The following RBFOX1 variants were observed in gnomAD, a reference collection of about 807,000 sequenced individuals.
RBFOX1 encodes the protein RNA binding fox-1 homolog 1, also known as RNA binding protein fox-1 homolog 1.
A neutral mutation model predicts 57.7 loss-of-function variants in RBFOX1; 8 were observed. The ratio of observed to expected loss-of-function variants is 0.14; its 90% CI spans 0.08 to 0.25. RBFOX1 has a LOEUF of 0.25. Among genes scored for constraint, RBFOX1 ranks in the 10% least tolerant of loss-of-function variants. RBFOX1 has a pLI of 1.00. For synonymous variants in RBFOX1, 326 were observed against 222.4 expected, an observed-to-expected ratio of 1.47 and a Z score of -4.15; for missense variants, 611 against 548.5, an observed-to-expected ratio of 1.11 and a Z score of -1.14.
chr16:5,717,807 A>G (rs541271005), intron 3 of RBFOX1, among the ~76,000 whole-genome samples: 2 of 152,300 alleles, frequency 1.3e-5, no homozygotes, highest in Non-Finnish European at 2.9e-5. Context: ...ATGATCAGCG[A>G]TTTATTCGAT....
chr16:5,454,430 G>T (rs959562833), intron 1 of RBFOX1, among the ~76,000 whole-genome samples: 4 of 152,200 alleles, frequency 2.6e-5, no homozygotes, highest in African/African-American at 9.7e-5. Flanking sequence ...GCCTAGATAT[G>T]TGGTTACATG....
rs1310133994 is a variant in RBFOX1, at chr16:5,273,255, A to G, written c.219+33150A>G. On this transcript the variant is annotated intron_variant, in intron 1 of 2. Transcript: ENST00000585867. ...TTTTTTTTTTGGTGGTCGGTTTTCCATCCTTTTGCTTGGCAGGTTTCTGCT... is the reference window on the plus strand; with the variant it reads ...TTTTTTTTTTGGTGGTCGGTTTTCCGTCCTTTTGCTTGGCAGGTTTCTGCT... Among the ~76,000 whole-genome samples the G allele has an allele frequency of 3.3e-5, 5 of 149,468 alleles. No homozygotes were observed. The East Asian group carries it at 5.9e-4, about 18-fold the overall frequency.
chr16:7,042,700 C>T (rs916562222), intron 3 of RBFOX1, among the ~76,000 whole-genome samples: 12 of 152,134 alleles, frequency 7.9e-5, no homozygotes, highest in South Asian at 4.1e-4. Flanking sequence ...CCCAGGCGGG[C>T]GGATCATTTG....
chr16:5,823,558 G>T (rs1373222896), intron 3 of RBFOX1, among the ~76,000 whole-genome samples: 1 of 152,158 alleles, frequency 6.6e-6, no homozygotes, highest in Non-Finnish European at 1.5e-5. Flanking sequence ...CACACAGAAG[G>T]AGGTGAGTTG....
chr16:7,242,895 C>T (rs1023180929), intron 4 of RBFOX1, among the ~76,000 whole-genome samples: 1 of 152,134 alleles, frequency 6.6e-6, no homozygotes, highest in African/African-American at 2.4e-5. Context: ...CAAGCAGTGC[C>T]TCTCGACATT....
intron 4 of RBFOX1, among the ~76,000 whole-genome samples, chr16:7,425,476 G>T (rs1362761206): frequency 6.6e-6 from 1 of 152,120 alleles, no homozygotes; most frequent in Non-Finnish European, 1.5e-5. Flanking sequence ...TTCTTTGAAG[G>T]ACTTAAAATT....
intron 3 of RBFOX1, among the ~76,000 whole-genome samples, chr16:6,914,616 C>G (rs7202388): frequency 0.84 from 128,108 of 152,076 alleles, 54,390 homozygotes; most frequent in African/African-American, 0.96. Flanking sequence ...GCTCACGCCT[C>G]TAATCGCAGC....
At position 7,373,509 on chromosome 16, in the gene RBFOX1, C is replaced by T. The variant is rs1318603696; in HGVS notation, c.28-144638C>T. Among the ~76,000 whole-genome samples, 7 of 152,192 alleles carry T rather than the reference C, an allele frequency of 4.6e-5. No homozygotes were observed. In the East Asian group the frequency reaches 1.4e-3, roughly 30 times the overall value. On this transcript the variant is annotated intron_variant, in intron 4 of 15. Coordinates refer to ENST00000550418, the MANE Select transcript of RBFOX1 (RefSeq NM_018723.4). ...AATAGATGGTGTTAATCTCCAGTCC[C>T]TTGTAATAAATGCTGGACTGTGAAC...
At chr16:5,437,798 A>C (rs1597065410) in intron 1 of RBFOX1, among the ~76,000 whole-genome samples, 1 of 152,204 alleles carries the variant, frequency 6.6e-6, no homozygotes, top group African/African-American at 2.4e-5. Context: ...TGTATTTTTC[A>C]CATCTTCTTT....
At chr16:7,296,968 C>T (rs969323614) in intron 4 of RBFOX1, among the ~76,000 whole-genome samples, 4 of 152,156 alleles carry the variant, frequency 2.6e-5, no homozygotes, top group South Asian at 2.1e-4. Flanking sequence ...AGACATCCTG[C>T]TTAGTGGCTT....
chr16:7,518,481 G>A (rs2076856017), intron 5 of RBFOX1, 92 bp downstream of exon 5: 2 of 1,492,802 alleles, frequency 1.3e-6, no homozygotes, highest in Non-Finnish European at 1.8e-6. Context: ...ATCTACCCAG[G>A]GACTCTGGGA....
At chr16:7,526,586 G>T (rs191505157) in intron 5 of RBFOX1, among the ~76,000 whole-genome samples, 144 of 152,220 alleles carry the variant, frequency 9.5e-4, no homozygotes, top group African/African-American at 3.3e-3. Flanking sequence ...GAGGGTTTAC[G>T]CCTCATGTAC....
Position 6,508,023 on chromosome 16 carries a change from C to G in RBFOX1, c.-63-146580C>G, listed in dbSNP as rs557784070. Reference sequence around the variant, plus strand: ...TGTGGTACATATACATGATGGAATACTATGCAGCCATAAAAAAGAAAAAGA... The same window carrying G: ...TGTGGTACATATACATGATGGAATAGTATGCAGCCATAAAAAAGAAAAAGA... On this transcript the variant is annotated intron_variant, in intron 2 of 15. Transcript: ENST00000550418. Among the ~76,000 whole-genome samples, 7 of 152,218 alleles carry G rather than the reference C, an allele frequency of 4.6e-5. No homozygotes were observed. The South Asian group carries it at 1.2e-3, about 27-fold the overall frequency.
intron 10 of RBFOX1, among the ~76,000 whole-genome samples, chr16:7,620,662 GC>G (rs1356407225): frequency 6.6e-6 from 1 of 152,180 alleles, no homozygotes. Context: ...CTTAGATGTG[GC>G]TTTGTTGTAA....
At chr16:7,543,833 G>T (rs1183645850) in intron 5 of RBFOX1, among the ~76,000 whole-genome samples, 1 of 152,062 alleles carries the variant, frequency 6.6e-6, no homozygotes, top group Non-Finnish European at 1.5e-5. Context: ...TGATTCTCCT[G>T]CCTCACTCTC....
chr16:5,739,460 A>C (rs1357008304), intron 3 of RBFOX1, among the ~76,000 whole-genome samples: 1 of 152,242 alleles, frequency 6.6e-6, no homozygotes, highest in Non-Finnish European at 1.5e-5. Context: ...TATAAGGAGT[A>C]TTGGAAGGTG....
At chr16:7,364,632 A>G (rs779462854) in intron 4 of RBFOX1, among the ~76,000 whole-genome samples, 9 of 151,794 alleles carry the variant, frequency 5.9e-5, no homozygotes, top group Non-Finnish European at 8.8e-5. Context: ...TTATTCAGCC[A>G]TTAGAGGCTG....
intron 3 of RBFOX1, among the ~76,000 whole-genome samples, chr16:6,905,639 C>T (rs150353985): frequency 2.3e-4 from 35 of 152,144 alleles, no homozygotes; most frequent in African/African-American, 7.5e-4. Flanking sequence ...CAATTTTCCC[C>T]GTTTAGCAAC....
intron 2 of RBFOX1, among the ~76,000 whole-genome samples, chr16:6,580,705 A>G (rs117770327): frequency 0.016 from 2,441 of 152,208 alleles, 38 homozygotes; most frequent in Middle Eastern, 0.058. Flanking sequence ...TATTCTCCTT[A>G]CCTTTCTAGA....
Sources: gnomAD v4.1 joint callset for allele counts (sites outside exome capture counted in the v4.1 genomes callset) on GRCh38, gnomAD v4.1.1 for gene constraint, MANE v1.5 for transcripts, NCBI Gene and HGNC (gene_info 2026-07-23, HGNC 2026-07-21) for gene names.